The following CNTN3 variants were observed in gnomAD, a reference collection of about 807,000 sequenced individuals.
CNTN3 encodes the protein contactin 3, also known as contactin-3.
A neutral mutation model predicts 119.1 loss-of-function variants in CNTN3; 60 were observed. The ratio of observed to expected loss-of-function variants is 0.50; its 90% CI spans 0.41 to 0.62. The LOEUF (loss-of-function observed/expected upper bound fraction) is 0.62. Among genes scored for constraint, CNTN3 ranks in the 20% least tolerant of loss-of-function variants. The pLI, the probability that CNTN3 is intolerant of heterozygous loss-of-function variation, is 0.00. For missense variants in CNTN3, 1,101 were observed against 1,242.4 expected, an observed-to-expected ratio of 0.89 and a Z score of 1.71; for synonymous variants, 450 against 438.7, an observed-to-expected ratio of 1.03 and a Z score of -0.32.
intron 2 of CNTN3, among the ~76,000 whole-genome samples, chr3:74,510,901 G>C (rs542839295): frequency 1.1e-4 from 17 of 151,806 alleles, no homozygotes; most frequent in Non-Finnish European, 2.4e-4. Flanking sequence ...CTTAATCTCA[G>C]TTTGAGCTTT....
At chr3:74,271,120 T>G (rs1482642822) in intron 20 of CNTN3, among the ~76,000 whole-genome samples, 3 of 152,182 alleles carry the variant, frequency 2.0e-5, no homozygotes, top group Non-Finnish European at 2.9e-5. Flanking sequence ...GATACTTGCC[T>G]GAAAACAAGT....
At chr3:74,306,294 AT>A (rs1214161881) in intron 13 of CNTN3, among the ~76,000 whole-genome samples, 1 of 151,468 alleles carries the variant, frequency 6.6e-6, no homozygotes, top group East Asian at 2.0e-4. Context: ...TACCATATTT[AT>A]AAATAAACTT....
chr3:74,361,244 C>T (rs1665383056), intron 11 of CNTN3, among the ~76,000 whole-genome samples: 1 of 152,178 alleles, frequency 6.6e-6, no homozygotes, highest in African/African-American at 2.4e-5. Context: ...ACTTCATCCA[C>T]ATAACAATTC....
intron 20 of CNTN3, among the ~76,000 whole-genome samples, chr3:74,285,094 G>GC (rs1423990281): frequency 6.6e-6 from 1 of 152,110 alleles, no homozygotes; most frequent in African/African-American, 2.4e-5. Context: ...TTCAGAAGGT[G>GC]CACGTTCATT....
intron 13 of CNTN3, among the ~76,000 whole-genome samples, chr3:74,306,202 GA>G (rs1384534766): frequency 8.3e-6 from 1 of 119,828 alleles, no homozygotes; most frequent in Non-Finnish European, 1.6e-5. Context: ...AAGGATGTGA[GA>G]GAGAAATGTC....
intron 5 of CNTN3, among the ~76,000 whole-genome samples, chr3:74,390,792 T>C (rs1704877720): frequency 6.6e-6 from 1 of 152,118 alleles, no homozygotes; most frequent in Non-Finnish European, 1.5e-5. Context: ...AATGGGATAA[T>C]AAAAGATTTA....
In CNTN3 at chr3:74,285,157, T is replaced by A. The variant is rs566748896; in HGVS notation, c.2704+148A>T. The A allele has an allele frequency of 8.0e-5, 61 of 762,082 alleles. 1 individual carries two copies. In the South Asian group the frequency reaches 1.3e-3, roughly 16 times the overall value. 47.2% of individuals were successfully genotyped at this position (762,082 alleles called of 1,614,324 possible). On this transcript the variant is annotated intron_variant, in intron 20 of 22. Coordinates refer to ENST00000263665, the MANE Select transcript of CNTN3 (RefSeq NM_020872.3). The stretch of plus-strand genomic sequence containing the variant: ...TATCATGAGGACAAGGGTTTTGGAG[T>A]TGGGTTTTGGAGTTAGGTTTTGGAG...
chr3:74,559,790 G>A (rs544724697), intron 1 of CNTN3, among the ~76,000 whole-genome samples: 25 of 151,644 alleles, frequency 1.6e-4, no homozygotes, highest in African/African-American at 6.0e-4. Flanking sequence ...CCATGCAATT[G>A]CTTAATATAA....
chr3:74,316,635 C>G (rs984477356), intron 13 of CNTN3, among the ~76,000 whole-genome samples: 4 of 152,098 alleles, frequency 2.6e-5, no homozygotes, highest in African/African-American at 2.4e-5. Context: ...TACATATATA[C>G]CATGAAATAC....
chr3:74,606,441 G>A (rs1293351132), intron 1 of CNTN3, among the ~76,000 whole-genome samples: 18 of 151,666 alleles, frequency 1.2e-4, no homozygotes, highest in Non-Finnish European at 1.5e-5. Flanking sequence ...TGTCCGTGTG[G>A]GTGTGTGTCT....
At chr3:74,317,357 T>G (rs1101686) in intron 13 of CNTN3, among the ~76,000 whole-genome samples, 11,325 of 151,742 alleles carry the variant, frequency 0.075, 495 homozygotes, top group East Asian at 0.19. Context: ...AATATTGTTA[T>G]GTGTGTATTT....
chr3:74,461,279 C>G (rs956668204), intron 4 of CNTN3, among the ~76,000 whole-genome samples: 10 of 151,942 alleles, frequency 6.6e-5, no homozygotes, highest in Non-Finnish European at 1.5e-5. Context: ...AAATCTGTAG[C>G]AGTTTTGCAC....
intron 4 of CNTN3, among the ~76,000 whole-genome samples, chr3:74,446,671 T>C (rs139969767): frequency 1.1e-4 from 14 of 128,192 alleles, no homozygotes; most frequent in Non-Finnish European, 1.9e-4. Context: ...ATTATTCAAG[T>C]TAATTTTACT....
chr3:74,313,003 A>T (rs530230918), intron 13 of CNTN3, among the ~76,000 whole-genome samples: 1 of 152,296 alleles, frequency 6.6e-6, no homozygotes, highest in East Asian at 1.9e-4. Flanking sequence ...AAACAAAAAA[A>T]AAAAGGTTAG....
chr3:74,542,681 C>G (rs1213912984), intron 1 of CNTN3, among the ~76,000 whole-genome samples: 3 of 152,130 alleles, frequency 2.0e-5, no homozygotes, highest in African/African-American at 7.2e-5. Context: ...ACAGTCTTGA[C>G]TGTAGCTAAC....
intron 4 of CNTN3, among the ~76,000 whole-genome samples, chr3:74,454,932 C>A (rs1392692148): frequency 6.6e-6 from 1 of 152,076 alleles, no homozygotes; most frequent in Non-Finnish European, 1.5e-5. Flanking sequence ...TCTCTGGCTG[C>A]CCTTAACATT....
chr3:74,349,435 G>A (rs1011001857), intron 11 of CNTN3, among the ~76,000 whole-genome samples: 2 of 152,090 alleles, frequency 1.3e-5, no homozygotes, highest in African/African-American at 2.4e-5. Flanking sequence ...GATATGTAAG[G>A]GTTTTCTAGG....
At position 74,448,775 on chromosome 3, in the gene CNTN3, A is replaced by T. The variant is rs117330491; in HGVS notation, c.359-23835T>A. On this transcript the variant is annotated intron_variant, in intron 4 of 22. Transcript: ENST00000263665. ...ATAAAATGCCCTCAGAGTCTACCAG[A>T]ATGGTCCATTTCATAACTATTTTTC... Among the ~76,000 whole-genome samples, 24 of 152,250 alleles carry T rather than the reference A, an allele frequency of 1.6e-4. No homozygotes were observed. In the East Asian group the frequency reaches 4.6e-3, roughly 29 times the overall value.
intron 1 of CNTN3, among the ~76,000 whole-genome samples, chr3:74,551,362 G>A (rs1362887410): frequency 2.0e-5 from 3 of 152,124 alleles, no homozygotes; most frequent in African/African-American, 7.2e-5. Context: ...GCAAAACTGA[G>A]AAGAAAGTAC....
Sources: gnomAD v4.1 joint callset for allele counts (sites outside exome capture counted in the v4.1 genomes callset) on GRCh38, gnomAD v4.1.1 for gene constraint, MANE v1.5 for transcripts, NCBI Gene and HGNC (gene_info 2026-07-23, HGNC 2026-07-21) for gene names.